Variants in PIWIL3 observed in about 807,000 individuals in gnomAD.
PIWIL3 encodes the protein piwi like RNA-mediated gene silencing 3.
A neutral mutation model predicts 109.7 loss-of-function variants in PIWIL3; 101 were observed. That is an observed-to-expected ratio of 0.92 (90% confidence interval 0.78 to 1.09). The LOEUF is 1.09. Ranked by LOEUF, PIWIL3 falls within the 50% of genes least tolerant of loss-of-function variation. PIWIL3 has a pLI of 0.00. For missense variants in PIWIL3, 1,031 were observed against 1,072.6 expected (o/e 0.96, Z 0.54); for synonymous variants, 373 against 376.4 (o/e 0.99, Z 0.10).
At chr22:24,743,916 C>T (rs141164347) in intron 12 of PIWIL3, among the ~76,000 whole-genome samples, 11 of 151,924 alleles carry the variant, frequency 7.2e-5, no homozygotes, top group Admixed American at 2.0e-4. Flanking sequence ...GCAGTGTTGT[C>T]GGCACCTTAA....
intron 14 of PIWIL3, among the ~76,000 whole-genome samples, chr22:24,732,237 C>T (rs12168348): frequency 0.02 from 3,096 of 152,298 alleles, 101 homozygotes; most frequent in African/African-American, 0.065. Context: ...TAGTTACATA[C>T]ATGAATCCCC....
rs775624382 is a variant in PIWIL3, at chr22:24,727,994, T to C, written c.1965A>G (p.Lys655=). Residue 655 remains lysine (K), a synonymous_variant, in exon 16 of 21, where the codon AAA becomes AAG. Coordinates refer to ENST00000616349, the MANE Select transcript of PIWIL3 (RefSeq NM_001255975.1). Reference sequence around the variant, plus strand: ...TACTTGCAACAAATCCTGCTATTGATTTCTGTCGATTTACGATATCGTGGA... The same window carrying C: ...TACTTGCAACAAATCCTGCTATTGACTTCTGTCGATTTACGATATCGTGGA... ...DCFHDIVNRQ[K]SIAGFVASTN... The C allele has an allele frequency of 6.2e-7, 1 of 1,613,990 alleles. No individual in the cohort carries two copies. Among genetic ancestry groups the C allele is most frequent in the South Asian group, 1.1e-5 (1 of 91,082 alleles).
In PIWIL3 at chr22:24,755,497, C is replaced by T. The variant is rs59863809; in HGVS notation, c.692+287G>A. The stretch of plus-strand genomic sequence containing the variant: ...GACCACAGAATAAAAAATGCATTTG[C>T]TACAGAGACATACACAGATGTGCAC... On this transcript the variant is annotated intron_variant, in intron 6 of 20. Coordinates refer to ENST00000616349, the MANE Select transcript of PIWIL3 (RefSeq NM_001255975.1). Among the ~76,000 whole-genome samples, 723 of 152,296 alleles carry T rather than the reference C, an allele frequency of 4.7e-3. 3 individuals carry two copies. Among genetic ancestry groups the T allele is most frequent in the Middle Eastern group, 0.017 (5 of 294 alleles).
At chr22:24,757,847 A>G in intron 4 of PIWIL3, 61 bp downstream of exon 4, 12 of 1,282,286 alleles carry the variant, frequency 9.4e-6, no homozygotes, top group Middle Eastern at 2.4e-4. Context: ...CTCAATGAAA[A>G]AAAAAAAAAA....
chr22:24,721,996 T>C (rs131475), intron 19 of PIWIL3, among the ~76,000 whole-genome samples: 46,925 of 152,180 alleles, frequency 0.31, 7,637 homozygotes, highest in Admixed American at 0.47. Flanking sequence ...TCTGAACACA[T>C]CATTTCCTTG....
chr22:24,737,755 G>GC (rs1923747561), intron 12 of PIWIL3, among the ~76,000 whole-genome samples: 1 of 152,108 alleles, frequency 6.6e-6, no homozygotes, highest in African/African-American at 2.4e-5. Flanking sequence ...AGCATTCACC[G>GC]CAAGCTGACT....
chr22:24,741,649 A>G (rs1428267453), intron 12 of PIWIL3, among the ~76,000 whole-genome samples: 1 of 152,234 alleles, frequency 6.6e-6, no homozygotes, highest in East Asian at 1.9e-4. Flanking sequence ...CAAAGGACAC[A>G]AGTCTCAAAT....
Position 24,754,106 on chromosome 22 carries a change from A to G in PIWIL3, c.885T>C (p.Tyr295=), listed in dbSNP as rs188281235. The G allele has an allele frequency of 1.9e-6, 3 of 1,613,496 alleles. No homozygotes were observed. Among genetic ancestry groups the G allele is most frequent in the Non-Finnish European group, 2.5e-6 (3 of 1,179,382 alleles). ...SHKLLRIETA[Y]DFIKRTSAQA... is the part of the protein sequence containing the mutation. ...GGGCAGATGTTCTCTTTATGAAATC[A>G]TAAGCAGTTTCTATTCGGAGCAGTT... The change falls in exon 8 of 21, where the codon TAT becomes TAC. Residue 295 remains tyrosine (Y), a synonymous_variant. Transcript: ENST00000616349.
At chr22:24,720,012 TAA>T (rs1043950638) in intron 19 of PIWIL3, 117 bp from the exon 20 acceptor site, 3 of 873,468 alleles carry the variant, frequency 3.4e-6, no homozygotes, top group East Asian at 2.9e-5. Flanking sequence ...TTCTATAGAT[TAA>T]GTTTCCTTTA....
At chr22:24,752,940 G>C (rs562723197) in intron 8 of PIWIL3, among the ~76,000 whole-genome samples, 2 of 152,074 alleles carry the variant, frequency 1.3e-5, no homozygotes, top group African/African-American at 4.8e-5. Context: ...ACGTTTTCAC[G>C]CATCTATTGA....
chr22:24,735,054 T>C (rs1490777150), intron 13 of PIWIL3, among the ~76,000 whole-genome samples: 1 of 151,672 alleles, frequency 6.6e-6, no homozygotes, highest in Non-Finnish European at 1.5e-5. Flanking sequence ...AATAAAAAAA[T>C]AAAAAAATAA....
At chr22:24,749,919 C>T (rs927758739) in intron 9 of PIWIL3, 100 bp from the exon 10 acceptor site, 3 of 1,529,498 alleles carry the variant, frequency 2.0e-6, no homozygotes, top group Admixed American at 1.7e-5. Context: ...AAATGAAGGG[C>T]CACAGGCGTG....
At chr22:24,750,551 C>T (rs1368846226) in intron 9 of PIWIL3, among the ~76,000 whole-genome samples, 4 of 142,518 alleles carry the variant, frequency 2.8e-5, no homozygotes, top group East Asian at 2.1e-4. Flanking sequence ...TGCAACGGCG[C>T]GATCTTGGCT....
chr22:24,744,183 A>G lies in PIWIL3; in HGVS notation c.1449+4724T>C, dbSNP rs1274094767. Among the ~76,000 whole-genome samples the G allele has an allele frequency of 1.9e-4, 28 of 143,628 alleles. 2 individuals are homozygous for G. In the South Asian group the frequency reaches 3.6e-3, roughly 18 times the overall value. The allele number at this position is 143,628 out of a possible 152,430, so 94.2% of individuals were successfully genotyped here. ...AATTGAAAGAGTGACCGAATTAAAA[A>G]AAAAAAAAAAAAAAAAAAAAAAAAC... On this transcript the variant is annotated intron_variant, in intron 12 of 20. Coordinates refer to ENST00000616349, the MANE Select transcript of PIWIL3 (RefSeq NM_001255975.1).
chr22:24,759,606 G>C (rs578196899), intron 3 of PIWIL3, among the ~76,000 whole-genome samples: 5 of 152,344 alleles, frequency 3.3e-5, no homozygotes, highest in Non-Finnish European at 7.4e-5. Context: ...CTGCAGATGT[G>C]TCATCTAAAT....
At chr22:24,734,218 C>A in intron 13 of PIWIL3, 62 bp from the exon 14 acceptor site, 3 of 1,569,246 alleles carry the variant, frequency 1.9e-6, no homozygotes, top group Admixed American at 2.0e-5. Context: ...AACGTTTCAC[C>A]CAGCAAATTA....
Position 24,724,972 on chromosome 22 carries a change from C to T in PIWIL3, c.2146G>A (p.Gly716Arg). Residue 716 changes from glycine to arginine, a missense_variant, in exon 18 of 21, where the codon GGA becomes AGA. Physicochemically the swap from Gly to Arg is moderately radical, Grantham distance 125. Coordinates refer to ENST00000616349, the MANE Select transcript of PIWIL3 (RefSeq NM_001255975.1). ...GCTTGAAGCTGACCATCTCCCACTC[C>T]ATCCCGATACACAATAACAGAATGT... ...MPHSVIVYRD[G>R]VGDGQLQALL... is the part of the protein sequence containing the mutation. 6.2e-7 allele frequency: 1 copy of T among 1,614,178 alleles called. No homozygotes were observed. Among genetic ancestry groups the T allele is most frequent in the Non-Finnish European group, 8.5e-7 (1 of 1,180,020 alleles).
Position 24,760,780 on chromosome 22 carries a change from CAAA to C in PIWIL3, c.103-794_103-792del, listed in dbSNP as rs61469163. On this transcript the variant is annotated intron_variant, in intron 2 of 20. Transcript: ENST00000616349. Reference sequence around the variant, plus strand: ...GGGCAACAAGAGCGAAACTCTGTCTCAAAAAAAAAAAAAAAAAAAAAAAGCTGT... The same window carrying C: ...GGGCAACAAGAGCGAAACTCTGTCTCAAAAAAAAAAAAAAAAAAAAGCTGT... Among the ~76,000 whole-genome samples, 182 of 41,024 alleles carry C rather than the reference CAAA, an allele frequency of 4.4e-3. 10 individuals are homozygous for C. The East Asian group carries it at 0.14, about 31-fold the overall frequency. 26.9% of individuals were successfully genotyped at this position (41,024 alleles called of 152,430 possible).
intron 7 of PIWIL3, 115 bp from the exon 8 acceptor site, chr22:24,754,332 T>C: frequency 3.8e-6 from 3 of 787,424 alleles, no homozygotes; most frequent in Non-Finnish European, 5.9e-6. Context: ...TAAGTATTTA[T>C]TCTTAGTCTT....
Sources: allele counts gnomAD v4.1 joint callset (sites outside exome capture counted in the v4.1 genomes callset), GRCh38; gene constraint gnomAD v4.1.1; transcripts MANE v1.5; gene names NCBI Gene and HGNC (gene_info 2026-07-23, HGNC 2026-07-21).